Variants in CA5A observed in about 807,000 individuals in gnomAD.
The protein encoded by CA5A is carbonic anhydrase 5A, also known as carbonic anhydrase 5A, mitochondrial.
Under a neutral mutation model 37.1 loss-of-function variants are expected in CA5A, and 28 were observed. The observed-to-expected ratio is 0.75, with a 90% CI of 0.56 to 1.03. CA5A has a LOEUF of 1.03. CA5A is among the 50% of genes least tolerant of loss of function. CA5A has a pLI of 0.00. For missense variants in CA5A, 444 were observed against 399.9 expected, an observed-to-expected ratio of 1.11 and a Z score of -0.94; for synonymous variants, 171 against 158.4, an observed-to-expected ratio of 1.08 and a Z score of -0.60.
intron 1 of CA5A, among the ~76,000 whole-genome samples, chr16:87,929,664 A>G (rs1462448726): frequency 6.6e-6 from 1 of 151,730 alleles, no homozygotes; most frequent in Non-Finnish European, 1.5e-5. Context: ...CGAGGTCAGG[A>G]GATCGAGACC....
intron 2 of CA5A, chr16:87,923,712 A>G: frequency 4.1e-6 from 4 of 985,428 alleles, no homozygotes; most frequent in Non-Finnish European, 4.8e-6. Context: ...AAAGTCCAAA[A>G]TAACCTTCAA....
intron 3 of CA5A, among the ~76,000 whole-genome samples, chr16:87,902,812 T>C (rs1386297964): frequency 6.6e-6 from 1 of 150,670 alleles, no homozygotes; most frequent in Non-Finnish European, 1.5e-5. Context: ...CTCAGGAGGC[T>C]GAGGCAGGAG....
chr16:87,913,441 C>T (rs748786149), intron 2 of CA5A, among the ~76,000 whole-genome samples: 1 of 151,980 alleles, frequency 6.6e-6, no homozygotes, highest in African/African-American at 2.4e-5. Context: ...TAGCTGGGAC[C>T]ACCATGCCCG....
At chr16:87,933,700 G>A (rs2056436387) in intron 1 of CA5A, among the ~76,000 whole-genome samples, 2 of 152,102 alleles carry the variant, frequency 1.3e-5, no homozygotes, top group Non-Finnish European at 2.9e-5. Context: ...AATTATCACT[G>A]AGCGTTTTGT....
chr16:87,927,385 C>G (rs2056327477), intron 1 of CA5A, among the ~76,000 whole-genome samples: 1 of 152,156 alleles, frequency 6.6e-6, no homozygotes, highest in African/African-American at 2.4e-5. Context: ...AGGTACCCCA[C>G]CTAGTGGTCC....
chr16:87,893,193 T>C (rs919372157), intron 5 of CA5A: 5 of 435,440 alleles, frequency 1.1e-5, no homozygotes, highest in Non-Finnish European at 2.1e-5. Flanking sequence ...AGTGGTGCGA[T>C]CTCAGCTCAC....
At position 87,899,919 on chromosome 16, in the gene CA5A, C is replaced by CAAAA. The variant is rs565557401; in HGVS notation, c.618+1989_618+1992dup. Among the ~76,000 whole-genome samples, 121 of 46,524 alleles carry CAAAA rather than the reference C, an allele frequency of 2.6e-3. 3 individuals are homozygous for CAAAA. The highest frequency in any genetic ancestry group is 3.3e-3 in the African/African-American group (40 of 12,268). The allele number at this position is 46,524 out of a possible 152,430, so 30.5% of individuals were successfully genotyped here. A position where few individuals can be genotyped will look rare whatever the true frequency, so the allele number is the denominator to read the frequency against. ...TGGGCAACAGAGCGAGATTTTATCT[C>CAAAA]AAAAAAAAAAAAAAAAAAAAAAAAA... On this transcript the variant is annotated intron_variant, in intron 5 of 6. Coordinates refer to ENST00000649794, the MANE Select transcript of CA5A (RefSeq NM_001739.2).
chr16:87,924,354 G>C (rs4448949), intron 2 of CA5A: 86,704 of 972,952 alleles, frequency 0.089, 4,461 homozygotes, highest in South Asian at 0.26. Flanking sequence ...AGGAGAGAGA[G>C]ACACTGGAAG....
At chr16:87,899,245 A>C (rs572996895) in intron 5 of CA5A, among the ~76,000 whole-genome samples, 68 of 148,828 alleles carry the variant, frequency 4.6e-4, no homozygotes, top group African/African-American at 1.6e-3. Context: ...TCCCTGGCCC[A>C]TGAAGCACAG....
chr16:87,900,045 C>A (rs1467248621), intron 5 of CA5A, among the ~76,000 whole-genome samples: 2 of 151,788 alleles, frequency 1.3e-5, no homozygotes, highest in Non-Finnish European at 2.9e-5. Flanking sequence ...CTCCCCTGTC[C>A]CGGGCATCAT....
At chr16:87,904,144 C>A (rs2055922585) in intron 3 of CA5A, among the ~76,000 whole-genome samples, 1 of 152,046 alleles carries the variant, frequency 6.6e-6, no homozygotes. Flanking sequence ...GAGTTCGAGA[C>A]CAGCCTGGCC....
At chr16:87,920,705 G>A (rs1399494593) in intron 2 of CA5A, among the ~76,000 whole-genome samples, 2 of 151,786 alleles carry the variant, frequency 1.3e-5, no homozygotes, top group African/African-American at 4.8e-5. Flanking sequence ...TACAACTTCC[G>A]CCTCCCAGGT....
chr16:87,891,825 C>G lies in CA5A; in HGVS notation c.748G>C (p.Glu250Gln). 6.4e-7 allele frequency: 1 copy of G among 1,558,978 alleles called. No individual in the cohort carries two copies. Among genetic ancestry groups the G allele is most frequent in the East Asian group, 2.5e-5 (1 of 40,426 alleles). ...TGGCTTGGGGCCACTTCAACGGGCT[C>G]CTTCTGGATGATCCAGGTGACCGAC... ...TESVTWIIQK[E>Q]PVEVAPSQLS... The change falls in exon 6 of 7, where the codon GAG becomes CAG. Residue 250 changes from glutamate (E) to glutamine (Q), a missense_variant. Coordinates refer to ENST00000649794, the MANE Select transcript of CA5A (RefSeq NM_001739.2).
At chr16:87,913,997 G>A (rs530673380) in intron 2 of CA5A, among the ~76,000 whole-genome samples, 3 of 152,356 alleles carry the variant, frequency 2.0e-5, no homozygotes, top group South Asian at 2.1e-4. Flanking sequence ...TGTGCTTGAC[G>A]TCGCTTATTT....
chr16:87,929,683 T>C lies in CA5A; in HGVS notation c.143-2738A>G, dbSNP rs111593795. On this transcript the variant is annotated intron_variant, in intron 1 of 6. Transcript: ENST00000649794. ...GTCAGGAGATCGAGACCATCCTGGC[T>C]AACACCGTGAAACCCGGTCTCTACT... Among the ~76,000 whole-genome samples, 287 of 151,202 alleles carry C rather than the reference T, an allele frequency of 1.9e-3. 1 individual carries two copies. Among genetic ancestry groups the C allele is most frequent in the African/African-American group, 3.1e-3 (129 of 41,220 alleles).
chr16:87,909,203 G>C (rs922272849), intron 2 of CA5A, among the ~76,000 whole-genome samples: 4 of 152,116 alleles, frequency 2.6e-5, no homozygotes, highest in Non-Finnish European at 4.4e-5. Flanking sequence ...TGGAGTAAGA[G>C]ACAAGTCAGC....
intron 6 of CA5A, among the ~76,000 whole-genome samples, chr16:87,890,372 T>C (rs893084963): frequency 6.6e-6 from 1 of 151,960 alleles, no homozygotes; most frequent in African/African-American, 2.4e-5. Context: ...GCCTTCCCCG[T>C]TTGTATATAA....
chr16:87,913,659 C>G (rs545518892), intron 2 of CA5A, among the ~76,000 whole-genome samples: 12 of 139,662 alleles, frequency 8.6e-5, no homozygotes, highest in African/African-American at 3.0e-4. Context: ...CGTGGCCCCC[C>G]CCTCCTCTCC....
chr16:87,894,724 C>A (rs1420563643), intron 5 of CA5A, among the ~76,000 whole-genome samples: 6 of 151,812 alleles, frequency 4.0e-5, no homozygotes. Context: ...ACTAAAAATA[C>A]AAAAATTAGC....
Sources: gnomAD v4.1 joint callset for allele counts (sites outside exome capture counted in the v4.1 genomes callset) on GRCh38, gnomAD v4.1.1 for gene constraint, MANE v1.5 for transcripts, NCBI Gene and HGNC (gene_info 2026-07-23, HGNC 2026-07-21) for gene names.